The following PCDHA6 variants were observed in gnomAD, a reference collection of about 807,000 sequenced individuals.
PCDHA6 encodes the protein protocadherin alpha-6.
Under a neutral mutation model 60.3 loss-of-function variants are expected in PCDHA6, and 55 were observed. The observed-to-expected ratio is 0.91, with a 90% CI of 0.73 to 1.14. The LOEUF (loss-of-function observed/expected upper bound fraction) is 1.14, where lower values mean the gene tolerates loss of function less well. PCDHA6 is among the 50% of genes most tolerant of loss of function. PCDHA6 has a pLI of 0.00. For synonymous variants in PCDHA6, 652 were observed against 557.9 expected (o/e 1.17, Z -2.38); for missense variants, 1,327 against 1,256.5 (o/e 1.06, Z -0.85).
chr5:141,002,336 C>A (rs1236741058), intron 3 of PCDHA6, among the ~76,000 whole-genome samples: 3 of 152,084 alleles, frequency 2.0e-5, no homozygotes, highest in Non-Finnish European at 2.9e-5. Flanking sequence ...TGCATCCGCA[C>A]CCCTTCCCCC....
At chr5:141,007,329 TTGCCTGAGCTCAG>T (rs1554261175) in intron 3 of PCDHA6, among the ~76,000 whole-genome samples, 2 of 149,734 alleles carry the variant, frequency 1.3e-5, no homozygotes. Context: ...AGTGGACAGA[TTGCCTGAGCTCAG>T]GAGTTCGAGA....
chr5:140,841,793 T>G (rs1777495976), intron 1 of PCDHA6: 1 of 1,613,848 alleles, frequency 6.2e-7, no homozygotes. Flanking sequence ...AGAGGGCGCG[T>G]CCGATGCAGA....
intron 1 of PCDHA6, among the ~76,000 whole-genome samples, chr5:140,832,719 AG>A (rs1433818410): frequency 2.0e-5 from 3 of 152,224 alleles, no homozygotes; most frequent in African/African-American, 7.2e-5. Flanking sequence ...AGATAAATAA[AG>A]GTAAGTATCC....
At position 141,010,329 on chromosome 5, in the gene PCDHA6, GTTTGTGGCCACTGGGTA is replaced by G. The variant is rs1554262887; in HGVS notation, c.*394_*410del. The G allele has an allele frequency of 1.9e-6, 3 of 1,538,554 alleles. No individual in the cohort carries two copies. The East Asian group carries it at 7.3e-5, about 38-fold the overall frequency. ...AGTTTTGAGATTGAGCAGCTTGGGA[GTTTGTGGCCACTGGGTA>G]TGTGTGGCTACCGCGGGTATGCGAG... On this transcript the variant is annotated 3_prime_UTR_variant, in exon 4 of 4. Coordinates refer to ENST00000529310, the MANE Select transcript of PCDHA6 (RefSeq NM_018909.4).
In PCDHA6 at chr5:140,855,793, CAT is replaced by C. The variant is rs1336692257; in HGVS notation, c.2394+25311_2394+25312del. On this transcript the variant is annotated intron_variant, in intron 1 of 3. Coordinates refer to ENST00000529310, the MANE Select transcript of PCDHA6 (RefSeq NM_018909.4). ...TAAAAATACGTAAAAAAAGAATTAA[CAT>C]ATGAATGAAAGAAAAGTTGTGAACT... 3.6e-4 allele frequency: 165 copies of C among 456,916 alleles called. 2 individuals are homozygous for C. The East Asian group carries it at 4.8e-3, about 13-fold the overall frequency. The allele number at this position is 456,916 out of a possible 1,614,324, so 28.3% of individuals were successfully genotyped here.
In PCDHA6 at chr5:140,979,008, G is replaced by T; in HGVS notation, c.2453+1G>T. 1 of 1,613,990 alleles carries T rather than the reference G, an allele frequency of 6.2e-7. No individual in the cohort carries two copies. The highest frequency in any genetic ancestry group is 1.3e-5 in the African/African-American group (1 of 75,044). ...CCTCCCTGAGAGCAGGCATGCACAG[G>T]TATGTATTTCCCTCCTCATTCACTC... On this transcript the variant is annotated splice_donor_variant, in intron 2 of 3. Transcript: ENST00000529310. LOFTEE classifies it high-confidence loss of function.
At chr5:140,846,935 A>G (rs2150395961) in intron 1 of PCDHA6, among the ~76,000 whole-genome samples, 1 of 149,782 alleles carries the variant, frequency 6.7e-6, no homozygotes, top group African/African-American at 2.4e-5. Flanking sequence ...TTTTGAAGAA[A>G]TACTTGAAGG....
At chr5:140,834,416 C>A (rs2150217412) in intron 1 of PCDHA6, 5 of 1,611,158 alleles carry the variant, frequency 3.1e-6, no homozygotes, top group Admixed American at 1.7e-5. Context: ...ACCCAGGGGG[C>A]CGACATCTAC....
chr5:140,859,470 A>G (rs184833883), intron 1 of PCDHA6: 1 of 211,162 alleles, frequency 4.7e-6, no homozygotes, highest in South Asian at 1.3e-4. Context: ...TACACTATCA[A>G]TTGTGTTTTC....
chr5:140,941,578 G>A (rs1007298745), intron 1 of PCDHA6, among the ~76,000 whole-genome samples: 3 of 151,774 alleles, frequency 2.0e-5, no homozygotes, highest in Non-Finnish European at 4.4e-5. Context: ...GCCTCCCAAA[G>A]TGCTGGGATT....
chr5:140,863,300 C>T (rs1554158081), intron 1 of PCDHA6: 1 of 1,463,972 alleles, frequency 6.8e-7, no homozygotes, highest in Admixed American at 1.8e-5. Flanking sequence ...CTGATCATCG[C>T]CATCTGCGTG....
intron 3 of PCDHA6, among the ~76,000 whole-genome samples, chr5:140,994,578 A>C (rs1563601392): frequency 6.6e-6 from 1 of 151,958 alleles, no homozygotes; most frequent in Non-Finnish European, 1.5e-5. Context: ...GGTGGCATGC[A>C]CTTGTAGTCT....
chr5:140,964,939 T>C (rs1230992301), intron 1 of PCDHA6, among the ~76,000 whole-genome samples: 1 of 152,182 alleles, frequency 6.6e-6, no homozygotes, highest in Non-Finnish European at 1.5e-5. Flanking sequence ...GGAGCATTGA[T>C]AGTGAGTGTG....
chr5:140,899,491 A>T (rs1333944586), intron 1 of PCDHA6, among the ~76,000 whole-genome samples: 1 of 152,196 alleles, frequency 6.6e-6, no homozygotes, highest in East Asian at 1.9e-4. Flanking sequence ...GCTGGATTAC[A>T]TTTATTGATT....
intron 1 of PCDHA6, chr5:140,929,268 AAT>A (rs782372972): frequency 7.4e-6 from 12 of 1,611,594 alleles, no homozygotes; most frequent in Non-Finnish European, 1.0e-5. Flanking sequence ...TGAATTTGCC[AAT>A]ATCCTGTATT....
At chr5:140,850,678 C>T in intron 1 of PCDHA6, 1 of 1,598,606 alleles carries the variant, frequency 6.3e-7, no homozygotes, top group Non-Finnish European at 8.6e-7. Flanking sequence ...GCGATGCCCA[C>T]CGAGGGCGAG....
At chr5:140,922,016 AT>A (rs1213488839) in intron 1 of PCDHA6, among the ~76,000 whole-genome samples, 20 of 152,076 alleles carry the variant, frequency 1.3e-4, no homozygotes, top group Admixed American at 1.2e-3. Flanking sequence ...GTTTAAAAAA[AT>A]AAATATAAAA....
At chr5:140,884,722 T>C in intron 1 of PCDHA6, 2 of 1,460,382 alleles carry the variant, frequency 1.4e-6, no homozygotes, top group South Asian at 3.0e-5. Flanking sequence ...TGCAGTTGTT[T>C]GTTTAAGACA....
At chr5:140,844,630 A>G (rs1413264229) in intron 1 of PCDHA6, among the ~76,000 whole-genome samples, 2 of 149,590 alleles carry the variant, frequency 1.3e-5, no homozygotes, top group Non-Finnish European at 3.0e-5. Flanking sequence ...CAGAAAAACT[A>G]TACATGATAA....
Sources: gnomAD v4.1 joint callset for allele counts (sites outside exome capture counted in the v4.1 genomes callset) on GRCh38, gnomAD v4.1.1 for gene constraint, MANE v1.5 for transcripts, NCBI Gene and HGNC (gene_info 2026-07-23, HGNC 2026-07-21) for gene names.